ACCSL: variants seen among roughly 807,000 people sequenced by gnomAD.
ACCSL encodes 1-aminocyclopropane-1-carboxylate synthase homolog (inactive) like.
ACCSL carries 55 observed loss-of-function variants against 61.7 expected under a neutral mutation model. That is an observed-to-expected ratio of 0.89 (90% CI 0.72 to 1.12). The LOEUF (loss-of-function observed/expected upper bound fraction) is 1.12. Ranked by LOEUF, ACCSL falls within the 50% of genes most tolerant of loss-of-function variation. ACCSL has a pLI of 0.00. For missense variants in ACCSL, 632 were observed against 698.0 expected (o/e 0.91, Z 1.07); for synonymous variants, 258 against 264.3 (o/e 0.98, Z 0.23).
the ACCSL span, among the ~76,000 whole-genome samples, chr11:44,009,172 C>T: frequency 6.6e-6 from 1 of 151,408 alleles, no homozygotes; most frequent in Admixed American, 6.6e-5. Flanking sequence ...TGTCTCAAAA[C>T]AAACAAACAA....
chr11:44,022,210 A>G, the ACCSL span, among the ~76,000 whole-genome samples: 4 of 152,140 alleles, frequency 2.6e-5, no homozygotes, highest in Non-Finnish European at 2.9e-5. Flanking sequence ...TTTTGGCAGT[A>G]TGGTCATTTT....
the ACCSL span, among the ~76,000 whole-genome samples, chr11:43,994,523 T>C: frequency 6.6e-6 from 1 of 152,262 alleles, no homozygotes; most frequent in South Asian, 2.1e-4. Flanking sequence ...TATATGTGTG[T>C]GTGTGTGTCT....
chr11:44,055,368 A>G, intron 9 of ACCSL, 77 bp downstream of exon 9: 1 of 1,162,122 alleles, frequency 8.6e-7, no homozygotes, highest in South Asian at 1.3e-5. Context: ...TGTGACATGA[A>G]CTTAACTCAG....
the ACCSL span, among the ~76,000 whole-genome samples, chr11:43,960,337 C>T: frequency 6.6e-6 from 1 of 152,152 alleles, no homozygotes; most frequent in Non-Finnish European, 1.5e-5. Flanking sequence ...ATATTTAAGG[C>T]TATGGCTTTT....
chr11:44,027,850 T>C, the ACCSL span, among the ~76,000 whole-genome samples: 2 of 152,178 alleles, frequency 1.3e-5, no homozygotes, highest in African/African-American at 4.8e-5. Flanking sequence ...ATATAATAGA[T>C]ATTTAAGCTT....
chr11:43,943,819 T>C, the ACCSL span: 6 of 1,302,104 alleles, frequency 4.6e-6, no homozygotes, highest in Non-Finnish European at 6.1e-6. The surrounding 1 kb of genome is among the most constrained non-coding windows in gnomAD (Gnocchi z 4.8). Context: ...ACGATCTTTT[T>C]ACCTGGATAT....
the ACCSL span, among the ~76,000 whole-genome samples, chr11:43,998,789 T>G: frequency 6.6e-6 from 1 of 150,436 alleles, no homozygotes; most frequent in East Asian, 1.9e-4. Flanking sequence ...AGACAATGTC[T>G]CTCTCTGTTG....
At chr11:43,991,421 T>G in the ACCSL span, among the ~76,000 whole-genome samples, 2 of 152,202 alleles carry the variant, frequency 1.3e-5, no homozygotes, top group African/African-American at 4.8e-5. Context: ...GTGAGGATGG[T>G]GTCATTCAAT....
the ACCSL span, chr11:43,921,198 T>A: frequency 6.6e-6 from 1 of 152,244 alleles, no homozygotes; most frequent in South Asian, 2.1e-4. Flanking sequence ...CTTTTTATCC[T>A]GTTTCCATTC....
chr11:43,993,405 T>C, the ACCSL span, among the ~76,000 whole-genome samples: 2 of 152,218 alleles, frequency 1.3e-5, no homozygotes, highest in South Asian at 4.2e-4. Context: ...GTGGCTCCTC[T>C]TCCTTCTCCA....
At chr11:43,926,978 C>T in the ACCSL span, among the ~76,000 whole-genome samples, 1 of 152,222 alleles carries the variant, frequency 6.6e-6, no homozygotes, top group Non-Finnish European at 1.5e-5. Flanking sequence ...AACTCCTGGG[C>T]TCAAGCGATC....
chr11:44,015,516 A>G, the ACCSL span, among the ~76,000 whole-genome samples: 1 of 151,986 alleles, frequency 6.6e-6, no homozygotes, highest in Admixed American at 6.5e-5. Context: ...CTGCTTCACT[A>G]AAGAGGCAGA....
intron 8 of ACCSL, among the ~76,000 whole-genome samples, chr11:44,054,461 T>C (rs1309344398): frequency 2.8e-5 from 4 of 140,502 alleles, no homozygotes. Flanking sequence ...TTTTTTTTTG[T>C]TTTTTGTTTT....
the ACCSL span, among the ~76,000 whole-genome samples, chr11:43,970,802 C>G: frequency 6.6e-6 from 1 of 152,130 alleles, no homozygotes; most frequent in Non-Finnish European, 1.5e-5. Flanking sequence ...TATATTGAGG[C>G]TTAAGTTGTC....
At chr11:43,927,106 G>T in the ACCSL span, among the ~76,000 whole-genome samples, 1 of 152,228 alleles carries the variant, frequency 6.6e-6, no homozygotes, top group Non-Finnish European at 1.5e-5. Flanking sequence ...CTTTTTAAAA[G>T]AAAAAATTAC....
At chr11:44,058,158 G>A (rs1190588933) in intron 11 of ACCSL, among the ~76,000 whole-genome samples, 159 bp from the exon 12 acceptor site, 4 of 152,166 alleles carry the variant, frequency 2.6e-5, no homozygotes, top group Non-Finnish European at 5.9e-5. Context: ...GGGTGACAGA[G>A]GGAAACTCTG....
the ACCSL span, among the ~76,000 whole-genome samples, chr11:43,968,553 T>C: frequency 6.6e-6 from 1 of 152,240 alleles, no homozygotes; most frequent in Non-Finnish European, 1.5e-5. Context: ...TGCCACTTGC[T>C]TTTACTTTCA....
the ACCSL span, among the ~76,000 whole-genome samples, chr11:43,992,054 C>CT: frequency 0.28 from 32,378 of 114,064 alleles, 5,067 homozygotes; most frequent in South Asian, 0.38. Flanking sequence ...TTCTTTCTTT[C>CT]TTTTTTTTTT....
At chr11:44,046,244 G>A (rs990756802), upstream of ACCSL, among the ~76,000 whole-genome samples, 2 of 152,198 alleles carry the variant, frequency 1.3e-5, no homozygotes, top group African/African-American at 2.4e-5. Context: ...TCATCAGTAT[G>A]TTCCTAACAC....
Sources: gnomAD v4.1 joint callset for allele counts (sites outside exome capture counted in the v4.1 genomes callset) on GRCh38, gnomAD v4.1.1 for gene constraint, Gnocchi (gnomAD v3.1) non-coding constraint, MANE v1.5 for transcripts, NCBI Gene and HGNC (gene_info 2026-07-23, HGNC 2026-07-21) for gene names.